Variants in PTGES observed in about 807,000 individuals in gnomAD.
The protein encoded by PTGES is prostaglandin E synthase.
PTGES carries 3 observed loss-of-function variants against 11.8 expected under a neutral mutation model. The observed-to-expected ratio is 0.25, with a 90% CI of 0.12 to 0.66. The LOEUF (loss-of-function observed/expected upper bound fraction) is 0.66. PTGES is among the 30% of genes least tolerant of loss of function. The pLI, the probability that PTGES is intolerant of heterozygous loss-of-function variation, is 0.82. For missense variants in PTGES, 180 were observed against 213.0 expected (o/e 0.85, Z 0.96); for synonymous variants, 94 against 90.4 (o/e 1.04, Z -0.22).
intron 2 of PTGES, among the ~76,000 whole-genome samples, chr9:129,746,461 C>T (rs1330624366): frequency 1.3e-5 from 2 of 152,096 alleles, no homozygotes; most frequent in Admixed American, 6.5e-5. Flanking sequence ...AGAGACGGGC[C>T]TCATATGAAG....
intron 1 of PTGES, chr9:129,749,743 G>A (rs1004481811): frequency 6.6e-6 from 1 of 152,386 alleles, no homozygotes; most frequent in Admixed American, 6.5e-5. Flanking sequence ...CAAGGCAGAA[G>A]GGACAGCACG....
At position 129,745,895 on chromosome 9, in the gene PTGES, G is replaced by A. The variant is rs1369480703; in HGVS notation, c.209+2760C>T. Among the ~76,000 whole-genome samples, 4 of 151,972 alleles carry A rather than the reference G, an allele frequency of 2.6e-5. No homozygotes were observed. Among genetic ancestry groups the A allele is most frequent in the Admixed American group, 2.0e-4 (3 of 15,238 alleles). On this transcript the variant is annotated intron_variant, in intron 2 of 2. Coordinates refer to ENST00000340607, the MANE Select transcript of PTGES (RefSeq NM_004878.5). This position sits in a 1 kb window ranked among gnomAD's most constrained non-coding sequence, Gnocchi z 4.2. Reference sequence around the variant, plus strand: ...AAAAAAAATACAAAAATTAGCTGGCGTGGTCACAGGTGCCTGTAATCCCAG... The same window carrying A: ...AAAAAAAATACAAAAATTAGCTGGCATGGTCACAGGTGCCTGTAATCCCAG...
In PTGES at chr9:129,742,328, C is replaced by CAA. The variant is rs1194614585; in HGVS notation, c.210-2470_210-2469dup. Among the ~76,000 whole-genome samples, 189 of 50,286 alleles carry CAA rather than the reference C, an allele frequency of 3.8e-3. 1 individual carries two copies. Among genetic ancestry groups the CAA allele is most frequent in the Non-Finnish European group, 3.6e-3 (82 of 22,636 alleles). The allele number at this position is 50,286 out of a possible 152,430, so 33.0% of individuals were successfully genotyped here. On this transcript the variant is annotated intron_variant, in intron 2 of 2. Coordinates refer to ENST00000340607, the MANE Select transcript of PTGES (RefSeq NM_004878.5). ...CGACAGAGTGAGTGAGACTCTGTCT[C>CAA]AAAAAAAAAAAAAAAAAAAAAACAT...
chr9:129,739,961 G>A lies in PTGES; in HGVS notation c.210-101C>T. On this transcript the variant is annotated intron_variant, in intron 2 of 2. Transcript: ENST00000340607. This position sits in a 1 kb window ranked among gnomAD's most constrained non-coding sequence, Gnocchi z 5.7. ...GCTGGGGGTGCTTTGACCCACTGGG[G>A]GTCATTTCAGGCATATCACACACTC... 1.5e-6 allele frequency: 2 copies of A among 1,368,054 alleles called. No homozygotes were observed. Among genetic ancestry groups the A allele is most frequent in the South Asian group, 1.5e-5 (1 of 68,260 alleles). The allele number at this position is 1,368,054 out of a possible 1,614,324, so 84.7% of individuals were successfully genotyped here.
rs147647229 is a variant in PTGES at position 129,739,980 on chromosome 9, C to T, written c.210-120G>A. On this transcript the variant is annotated intron_variant, in intron 2 of 2. Transcript: ENST00000340607. This position sits in a 1 kb window ranked among gnomAD's most constrained non-coding sequence, Gnocchi z 5.7. Reference sequence around the variant, plus strand: ...ACTGGGGGTCATTTCAGGCATATCACACACTCAAATCCATTCACAGCCAGG... The same window carrying T: ...ACTGGGGGTCATTTCAGGCATATCATACACTCAAATCCATTCACAGCCAGG... The T allele has an allele frequency of 5.8e-4, 722 of 1,240,350 alleles. 4 individuals carry two copies. The African/African-American group carries it at 0.01, about 17-fold the overall frequency. 76.8% of individuals were successfully genotyped at this position (1,240,350 alleles called of 1,614,324 possible).
At chr9:129,742,417 A>G (rs527601582) in intron 2 of PTGES, among the ~76,000 whole-genome samples, 2 of 151,888 alleles carry the variant, frequency 1.3e-5, no homozygotes, top group South Asian at 4.2e-4. Flanking sequence ...ATCCCCCTAC[A>G]GGCTGATTAG....
chr9:129,744,943 C>A (rs1833037140), intron 2 of PTGES, among the ~76,000 whole-genome samples: 1 of 151,930 alleles, frequency 6.6e-6, no homozygotes, highest in Admixed American at 6.6e-5. Flanking sequence ...AGGCTGGAAA[C>A]CTCCAGTTCT....
At chr9:129,752,684 G>GTGCT (rs959205781) in intron 1 of PTGES, among the ~76,000 whole-genome samples, 4 of 152,246 alleles carry the variant, frequency 2.6e-5, no homozygotes, top group African/African-American at 9.6e-5. Flanking sequence ...AAGCGAGTAA[G>GTGCT]TGCTCTTAAG....
At chr9:129,751,060 C>T (rs961438766) in intron 1 of PTGES, among the ~76,000 whole-genome samples, 2 of 152,182 alleles carry the variant, frequency 1.3e-5, no homozygotes, top group African/African-American at 4.8e-5. Context: ...GGCACAGTGG[C>T]TCACACCTGT....
At chr9:129,741,875 A>G (rs2130950167) in intron 2 of PTGES, among the ~76,000 whole-genome samples, 1 of 152,148 alleles carries the variant, frequency 6.6e-6, no homozygotes, top group African/African-American at 2.4e-5. Flanking sequence ...ATTGTACTCC[A>G]GCCTGGGCAA....
chr9:129,750,881 G>T (rs946132324), intron 1 of PTGES, among the ~76,000 whole-genome samples: 1 of 152,088 alleles, frequency 6.6e-6, no homozygotes, highest in African/African-American at 2.4e-5. Flanking sequence ...GATACTTAGC[G>T]CCCAGAGCAG....
At chr9:129,748,447 A>G (rs1436963844) in intron 2 of PTGES, among the ~76,000 whole-genome samples, 1 of 152,210 alleles carries the variant, frequency 6.6e-6, no homozygotes, top group East Asian at 1.9e-4. Context: ...CACCTTTCTC[A>G]CTTTGTAATT....
chr9:129,739,403 C>T lies in PTGES; in HGVS notation c.*208G>A, dbSNP rs1832969361. The T allele has an allele frequency of 1.5e-6, 1 of 653,988 alleles. No homozygotes were observed. The allele number at this position is 653,988 out of a possible 1,614,324, so 40.5% of individuals were successfully genotyped here. On this transcript the variant is annotated 3_prime_UTR_variant, in exon 3 of 3. Transcript: ENST00000340607. This position sits in a 1 kb window ranked among gnomAD's most constrained non-coding sequence, Gnocchi z 5.7. ...CCCATCAGCCACTTCGTGCAGGAATCCAAGGGGCTAAGAAACATACACACA... is the reference window on the plus strand; with the variant it reads ...CCCATCAGCCACTTCGTGCAGGAATTCAAGGGGCTAAGAAACATACACACA...
intron 2 of PTGES, among the ~76,000 whole-genome samples, chr9:129,741,592 A>G (rs10760634): frequency 0.072 from 10,951 of 152,196 alleles, 475 homozygotes; most frequent in East Asian, 0.19. Context: ...CTCTGGATAG[A>G]TCCTGGGGTA....
intron 1 of PTGES, among the ~76,000 whole-genome samples, chr9:129,752,663 G>A (rs917062425): frequency 2.0e-5 from 3 of 152,238 alleles, no homozygotes; most frequent in African/African-American, 2.4e-5. Context: ...AACTCAGCCC[G>A]GTGGCACGGC....
In PTGES at chr9:129,752,968, G is replaced by A. The variant is rs11792431; in HGVS notation, c.45C>T (p.Ala15=). 0.067 allele frequency: 108,110 copies of A among 1,610,762 alleles called. 4,396 individuals carry two copies. Among genetic ancestry groups the A allele is most frequent in the African/African-American group, 0.19 (14,099 of 75,040 alleles). The change falls in exon 1 of 3, where the codon GCC becomes GCT. Residue 15 remains alanine (A), a synonymous_variant. Coordinates refer to ENST00000340607, the MANE Select transcript of PTGES (RefSeq NM_004878.5). ...SLVMSSPALP[A]FLLCSTLLVI... is the part of the protein sequence containing the mutation. The stretch of plus-strand genomic sequence containing the variant: ...CCAGCAGCGTGCTGCAGAGCAGGAA[G>A]GCCGGGAGGGCCGGGCTGCTCATCA...
intron 2 of PTGES, among the ~76,000 whole-genome samples, chr9:129,748,303 C>T (rs1833067609): frequency 6.7e-6 from 1 of 149,810 alleles, no homozygotes; most frequent in Non-Finnish European, 1.5e-5. Flanking sequence ...GCGTGGCACA[C>T]ATGTTTGTAA....
intron 1 of PTGES, among the ~76,000 whole-genome samples, chr9:129,752,641 C>T (rs752684772): frequency 3.9e-5 from 6 of 152,264 alleles, no homozygotes; most frequent in Non-Finnish European, 8.8e-5. Context: ...CGCTGGCTCT[C>T]TCCATGCCAA....
chr9:129,743,115 T>C (rs1833014933), intron 2 of PTGES, among the ~76,000 whole-genome samples: 1 of 152,208 alleles, frequency 6.6e-6, no homozygotes. Context: ...CCACCTTCTA[T>C]TTCCAGCCAT....
Sources: allele counts gnomAD v4.1 joint callset (sites outside exome capture counted in the v4.1 genomes callset), GRCh38; gene constraint gnomAD v4.1.1; non-coding constraint Gnocchi (gnomAD v3.1); transcripts MANE v1.5; gene names NCBI Gene and HGNC (gene_info 2026-07-23, HGNC 2026-07-21).